ZNF829: variants seen among roughly 807,000 people sequenced by gnomAD.
ZNF829 encodes zinc finger protein 829.
In ZNF829, 25 loss-of-function variants were observed where a neutral mutation model predicts 35.2. That is an observed-to-expected ratio of 0.71 (90% CI 0.52 to 0.99). The LOEUF is 0.99. ZNF829 is among the 50% of genes least tolerant of loss of function. The probability of loss-of-function intolerance (pLI) is 0.00; values close to 1 mark genes in which losing one functional copy is unlikely to be tolerated. For synonymous variants in ZNF829, 136 were observed against 163.2 expected (o/e 0.83, Z 1.27); for missense variants, 417 against 515.3 (o/e 0.81, Z 1.85).
chr19:36,896,612 A>G (rs1289653002), intron 5 of ZNF829, among the ~76,000 whole-genome samples: 3 of 152,226 alleles, frequency 2.0e-5, no homozygotes, highest in Non-Finnish European at 2.9e-5. Context: ...TGGATATTAG[A>G]CCAAATGGAC....
chr19:36,894,339 T>G (rs1329744025), intron 5 of ZNF829, among the ~76,000 whole-genome samples: 1 of 151,772 alleles, frequency 6.6e-6, no homozygotes, highest in Non-Finnish European at 1.5e-5. Context: ...TTGGAAAAAA[T>G]GACCATAACA....
intron 5 of ZNF829, chr19:36,905,423 C>T (rs1213265400): frequency 6.7e-6 from 1 of 149,848 alleles, no homozygotes; most frequent in African/African-American, 2.5e-5. Context: ...ACTATATAAG[C>T]TAATTCTAAA....
chr19:36,915,080 T>G (rs1159886844), intron 2 of ZNF829, 50 bp downstream of exon 2: 1 of 1,614,142 alleles, frequency 6.2e-7, no homozygotes, highest in East Asian at 2.2e-5. Context: ...AGGTTTTTCT[T>G]GGTACCCAGA....
chr19:36,909,255 AAC>A (rs945513787), intron 3 of ZNF829, among the ~76,000 whole-genome samples: 3 of 152,192 alleles, frequency 2.0e-5, no homozygotes, highest in African/African-American at 7.2e-5. Flanking sequence ...CTCCAAAGAA[AAC>A]TAAGGAGCTA....
chr19:36,895,310 T>C (rs2073102563), intron 5 of ZNF829, among the ~76,000 whole-genome samples: 1 of 152,188 alleles, frequency 6.6e-6, no homozygotes, highest in Non-Finnish European at 1.5e-5. Flanking sequence ...AAGGGTGTCC[T>C]ACATCTGGAA....
chr19:36,915,087 C>T (rs539396027), intron 2 of ZNF829, 43 bp downstream of exon 2: 1 of 1,614,056 alleles, frequency 6.2e-7, no homozygotes. Flanking sequence ...TCTTGGTACC[C>T]AGATTAGTCA....
At chr19:36,904,653 G>A (rs2073200858) in intron 5 of ZNF829, among the ~76,000 whole-genome samples, 1 of 152,170 alleles carries the variant, frequency 6.6e-6, no homozygotes, top group Non-Finnish European at 1.5e-5. Flanking sequence ...GCCCGCCTCG[G>A]CCTCCCAGGT....
chr19:36,898,451 T>A (rs74331289), intron 5 of ZNF829, among the ~76,000 whole-genome samples: 7,011 of 152,250 alleles, frequency 0.046, 222 homozygotes, highest in Non-Finnish European at 0.067. Flanking sequence ...CAATGCAATC[T>A]ACAGATTCAA....
rs200562195 is a variant in ZNF829, at chr19:36,895,181, T to TA, written c.320-2711dup. On this transcript the variant is annotated intron_variant, in intron 5 of 5. Coordinates refer to ENST00000391711, the MANE Select transcript of ZNF829 (RefSeq NM_001037232.4). ...GAATGGGATGATATATTCAAAGTGC[T>TA]AAAAAAACACTGTCAGCCAAGAATA... is the stretch of plus-strand genomic sequence containing the variant. Among the ~76,000 whole-genome samples, 945 of 152,150 alleles carry TA rather than the reference T, an allele frequency of 6.2e-3. 25 individuals carry two copies. Among genetic ancestry groups the TA allele is most frequent in the East Asian group, 0.05 (259 of 5,172 alleles).
intron 1 of ZNF829, chr19:36,915,741 C>G (rs756363189): frequency 4.8e-5 from 45 of 942,358 alleles, no homozygotes; most frequent in Non-Finnish European, 6.8e-5. Context: ...GGATTACAGG[C>G]GCGCGCCACC....
chr19:36,896,126 A>G (rs565757661), intron 5 of ZNF829, among the ~76,000 whole-genome samples: 19 of 152,214 alleles, frequency 1.2e-4, no homozygotes, highest in East Asian at 3.9e-4. Context: ...CCTGGCTAAC[A>G]TGGTGAAACC....
chr19:36,910,728 C>T (rs1318825187), intron 3 of ZNF829, among the ~76,000 whole-genome samples: 1 of 152,042 alleles, frequency 6.6e-6, no homozygotes, highest in Middle Eastern at 3.2e-3. Context: ...ATAATCAGGC[C>T]GGGTGCGGTA....
At chr19:36,906,778 A>G (rs758633969) in intron 5 of ZNF829, 1 of 152,148 alleles carries the variant, frequency 6.6e-6, no homozygotes, top group South Asian at 2.1e-4. Flanking sequence ...TATATAAAGC[A>G]TAATTTAAAA....
rs371376998 is a variant in ZNF829, at chr19:36,889,360, A to G, written c.*2132T>C. ...CTATAATTTTTGGAATAGTTTCAAT[A>G]GTGCTGTTACTAGTTCTTCCTTGCA... On this transcript the variant is annotated 3_prime_UTR_variant, in exon 6 of 6. Transcript: ENST00000391711. 6.6e-6 allele frequency: 1 copy of G among 152,294 alleles called. No individual in the cohort carries two copies. The highest frequency in any genetic ancestry group is 2.4e-5 in the African/African-American group (1 of 41,578). 9.4% of individuals were successfully genotyped at this position (152,294 alleles called of 1,614,324 possible). A position where few individuals can be genotyped will look rare whatever the true frequency, so the allele number is the denominator to read the frequency against.
At chr19:36,897,090 C>G (rs2073120215) in intron 5 of ZNF829, among the ~76,000 whole-genome samples, 1 of 152,068 alleles carries the variant, frequency 6.6e-6, no homozygotes, top group African/African-American at 2.4e-5. Flanking sequence ...AAAAAAAGCC[C>G]AAGACTAAAG....
chr19:36,901,428 G>C (rs1264080134), intron 5 of ZNF829, among the ~76,000 whole-genome samples: 1 of 152,120 alleles, frequency 6.6e-6, no homozygotes, highest in Non-Finnish European at 1.5e-5. Context: ...ATTGATTATG[G>C]TGATGGTTAT....
At chr19:36,897,600 G>A (rs2073124950) in intron 5 of ZNF829, among the ~76,000 whole-genome samples, 1 of 152,070 alleles carries the variant, frequency 6.6e-6, no homozygotes, top group Non-Finnish European at 1.5e-5. Context: ...CATACTGAAT[G>A]GGGAAAAGCC....
At chr19:36,903,486 T>C (rs1220976635) in intron 5 of ZNF829, among the ~76,000 whole-genome samples, 1 of 152,234 alleles carries the variant, frequency 6.6e-6, no homozygotes, top group African/African-American at 2.4e-5. Flanking sequence ...AAAATGTTTA[T>C]ATATCACAGT....
intron 3 of ZNF829, 81 bp from the exon 4 acceptor site, chr19:36,908,540 G>T: frequency 6.7e-7 from 1 of 1,482,758 alleles, no homozygotes; most frequent in Non-Finnish European, 9.0e-7. Context: ...GACAGAGTAA[G>T]CAAAATTAAA....
Sources: gnomAD v4.1 joint callset for allele counts (sites outside exome capture counted in the v4.1 genomes callset) on GRCh38, gnomAD v4.1.1 for gene constraint, MANE v1.5 for transcripts, NCBI Gene and HGNC (gene_info 2026-07-23, HGNC 2026-07-21) for gene names.